PIK3R4: variants seen among roughly 807,000 people sequenced by gnomAD.
PIK3R4 encodes the protein phosphoinositide-3-kinase regulatory subunit 4.
Under a neutral mutation model 136.5 loss-of-function variants are expected in PIK3R4, and 46 were observed. The ratio of observed to expected loss-of-function variants is 0.34; its 90% confidence interval spans 0.27 to 0.43. The LOEUF (loss-of-function observed/expected upper bound fraction) is 0.43, where lower values mean the gene tolerates loss of function less well. PIK3R4 is among the 20% of genes least tolerant of loss of function. PIK3R4 has a pLI of 1.00. For missense variants in PIK3R4, 1,331 were observed against 1,649.5 expected, an observed-to-expected ratio of 0.81 and a Z score of 3.35; for synonymous variants, 557 against 566.7, an observed-to-expected ratio of 0.98 and a Z score of 0.24.
At chr3:130,730,155 G>A (rs2107618379) in intron 5 of PIK3R4, among the ~76,000 whole-genome samples, 153 bp downstream of exon 5, 1 of 152,298 alleles carries the variant, frequency 6.6e-6, no homozygotes, top group Admixed American at 6.5e-5. Flanking sequence ...TATGAGGATA[G>A]AGAGAATAAT....
At chr3:130,739,514 G>A (rs987407438) in intron 2 of PIK3R4, among the ~76,000 whole-genome samples, 2 of 152,066 alleles carry the variant, frequency 1.3e-5, no homozygotes, top group Non-Finnish European at 2.9e-5. Context: ...TGGGACTACA[G>A]GTGTACACCA....
intron 9 of PIK3R4, among the ~76,000 whole-genome samples, chr3:130,711,146 T>C (rs900712167): frequency 1.3e-5 from 2 of 151,976 alleles, no homozygotes; most frequent in Admixed American, 6.6e-5. Context: ...CTTCTGACCA[T>C]GATGAAATAA....
chr3:130,732,921 T>C (rs1173277198), intron 4 of PIK3R4, among the ~76,000 whole-genome samples: 1 of 151,998 alleles, frequency 6.6e-6, no homozygotes, highest in Non-Finnish European at 1.5e-5. Flanking sequence ...ATTATATATA[T>C]TCAGTGATAT....
chr3:130,723,148 G>C (rs2066712431), intron 7 of PIK3R4, among the ~76,000 whole-genome samples: 1 of 139,222 alleles, frequency 7.2e-6, no homozygotes, highest in Non-Finnish European at 1.5e-5. Context: ...CTTGCTTTTT[G>C]ACAAGGGTAA....
chr3:130,727,372 C>G (rs1038499323), intron 6 of PIK3R4, among the ~76,000 whole-genome samples: 2 of 152,174 alleles, frequency 1.3e-5, no homozygotes, highest in African/African-American at 4.8e-5. Flanking sequence ...TACAGGCACC[C>G]GCCACCGCGC....
At chr3:130,726,262 AATG>A (rs2066731150) in intron 6 of PIK3R4, among the ~76,000 whole-genome samples, 1 of 152,160 alleles carries the variant, frequency 6.6e-6, no homozygotes, top group Non-Finnish European at 1.5e-5. Flanking sequence ...ATAAATTTTT[AATG>A]ATATGAGAAA....
At chr3:130,740,703 C>G (rs933335857) in intron 2 of PIK3R4, among the ~76,000 whole-genome samples, 2 of 151,984 alleles carry the variant, frequency 1.3e-5, no homozygotes, top group African/African-American at 4.8e-5. Context: ...GCACTCCAGC[C>G]TGGGTGACAG....
intron 2 of PIK3R4, among the ~76,000 whole-genome samples, chr3:130,743,777 T>C (rs955539783): frequency 1.9e-4 from 29 of 152,226 alleles, no homozygotes; most frequent in African/African-American, 6.8e-4. Flanking sequence ...CCTAACTTGT[T>C]TTCCTGTCTT....
At chr3:130,721,939 C>T (rs2066703375) in intron 7 of PIK3R4, among the ~76,000 whole-genome samples, 1 of 152,008 alleles carries the variant, frequency 6.6e-6, no homozygotes, top group South Asian at 2.1e-4. Context: ...TGTCAATTAA[C>T]TTGATTGCCA....
chr3:130,701,982 A>T (rs6774010), intron 13 of PIK3R4, among the ~76,000 whole-genome samples: 3,603 of 151,566 alleles, frequency 0.024, 128 homozygotes, highest in African/African-American at 0.082. Flanking sequence ...AAAAAAAAAA[A>T]TTTTTTTAAT....
At chr3:130,690,423 AG>A in intron 14 of PIK3R4, 66 bp downstream of exon 14, 2 of 1,032,996 alleles carry the variant, frequency 1.9e-6, no homozygotes, top group African/African-American at 3.2e-5. Context: ...ATTGCAGGGT[AG>A]AAAGGAGACT....
chr3:130,716,004 G>A (rs2066662652), intron 9 of PIK3R4, among the ~76,000 whole-genome samples: 1 of 152,244 alleles, frequency 6.6e-6, no homozygotes, highest in African/African-American at 2.4e-5. Flanking sequence ...AAATGAACCA[G>A]GATTTTTCTA....
In PIK3R4 at chr3:130,718,487, C is replaced by T; in HGVS notation, c.2029G>A (p.Gly677Arg). Reference protein sequence around the residue: ...PNLWIRYGAVGFITVVARQIS... With the variant: ...PNLWIRYGAVRFITVVARQIS... Reference sequence around the variant, plus strand: ...TGACGAGCTACCACTGTGATAAATCCCACGGCACCATAACGTATCCATAAA... The same window carrying T: ...TGACGAGCTACCACTGTGATAAATCTCACGGCACCATAACGTATCCATAAA... The change falls in exon 8 of 20, where the codon GGA becomes AGA. Residue 677 changes from glycine (G) to arginine (R), a missense_variant. Around this residue, in one of 2 missense-constraint regions of PIK3R4, gnomAD observed 1,180 missense variants for 1,407.0 expected, o/e 0.84. Coordinates refer to ENST00000356763, the MANE Select transcript of PIK3R4 (RefSeq NM_014602.3). 6.2e-7 allele frequency: 1 copy of T among 1,613,826 alleles called. No homozygotes were observed. Among genetic ancestry groups the T allele is most frequent in the Non-Finnish European group, 8.5e-7 (1 of 1,179,842 alleles).
intron 12 of PIK3R4, 149 bp from the exon 13 acceptor site, chr3:130,704,037 G>C (rs1418541997): frequency 1.7e-6 from 1 of 591,220 alleles, no homozygotes; most frequent in Non-Finnish European, 3.0e-6. Context: ...ATAAAGAGTG[G>C]TCTACTGGAC....
At chr3:130,741,963 G>C (rs189069240) in intron 2 of PIK3R4, among the ~76,000 whole-genome samples, 3 of 152,076 alleles carry the variant, frequency 2.0e-5, no homozygotes, top group Non-Finnish European at 4.4e-5. Flanking sequence ...GTACAACAAC[G>C]TACAACAAAA....
chr3:130,716,535 T>A lies in PIK3R4; in HGVS notation c.2192A>T (p.Tyr731Phe), dbSNP rs1276730585. 1 of 1,613,920 alleles carries A rather than the reference T, an allele frequency of 6.2e-7. No individual in the cohort carries two copies. Among genetic ancestry groups the A allele is most frequent in the South Asian group, 1.1e-5 (1 of 91,072 alleles). Residue 731 changes from tyrosine (Y) to phenylalanine (F), a missense_variant, in exon 9 of 20, where the codon TAT becomes TTT. Tyr to Phe is a conservative substitution (Grantham distance 22). Transcript: ENST00000356763. ...KEPVSRSIFD[Y>F]ALRSKDITSL... ...AGTAATATCTTTAGACCTCAAAGCA[T>A]AATCAAATATAGAACGACTTACTGG... is the stretch of plus-strand genomic sequence containing the variant.
chr3:130,726,512 C>T (rs2066733193), intron 6 of PIK3R4, among the ~76,000 whole-genome samples: 1 of 151,818 alleles, frequency 6.6e-6, no homozygotes, highest in African/African-American at 2.4e-5. Context: ...CACCTGAACC[C>T]AACAGTATAG....
intron 2 of PIK3R4, among the ~76,000 whole-genome samples, chr3:130,737,763 C>T (rs1576464274): frequency 6.6e-6 from 1 of 152,148 alleles, no homozygotes; most frequent in African/African-American, 2.4e-5. Flanking sequence ...TTCCATTAGC[C>T]TACATTTGGG....
In PIK3R4 at chr3:130,744,760, A is replaced by T. The variant is rs1287666346; in HGVS notation, c.459T>A (p.Asn153Lys). ...GVRHGDIKTE[N>K]VMVTSWNWVL... ...CCCAATTCCAACTGGTGACCATCAC[A>T]TTCTCAGTCTTGATGTCCCCATGAC... The change falls in exon 2 of 20, where the codon AAT becomes AAA. Residue 153 changes from asparagine to lysine, a missense_variant. By Grantham distance (94) the Asn-to-Lys change is moderately conservative. Coordinates refer to ENST00000356763, the MANE Select transcript of PIK3R4 (RefSeq NM_014602.3). 1.2e-6 allele frequency: 2 copies of T among 1,614,148 alleles called. No homozygotes were observed. The highest frequency in any genetic ancestry group is 1.7e-6 in the Non-Finnish European group (2 of 1,180,052).
Sources: allele counts gnomAD v4.1 joint callset (sites outside exome capture counted in the v4.1 genomes callset), GRCh38; gene constraint gnomAD v4.1.1; regional missense constraint gnomAD v4.1.1; transcripts MANE v1.5; gene names NCBI Gene and HGNC (gene_info 2026-07-23, HGNC 2026-07-21).